The following SH3KBP1 variants were observed in gnomAD, a reference collection of about 807,000 sequenced individuals.
SH3KBP1 encodes the protein SH3 domain-containing kinase-binding protein 1.
SH3KBP1 carries 8 observed loss-of-function variants against 50.1 expected under a neutral mutation model. The observed-to-expected ratio is 0.16, with a 90% CI of 0.09 to 0.29. SH3KBP1 has a LOEUF of 0.29. SH3KBP1 is among the 10% of genes least tolerant of loss of function. The probability of loss-of-function intolerance (pLI) is 1.00; values close to 1 mark genes in which losing one functional copy is unlikely to be tolerated. For missense variants in SH3KBP1, 377 were observed against 535.2 expected (o/e 0.70, Z 2.92); for synonymous variants, 227 against 218.6 (o/e 1.04, Z -0.34).
chrX:19,720,994 T>C (rs1035661452), intron 3 of SH3KBP1, among the ~76,000 whole-genome samples: 6 of 111,380 alleles, frequency 5.4e-5, no homozygotes, highest in African/African-American at 2.0e-4. Context: ...GTCAAAGAAT[T>C]CCACATGTAC....
At chrX:19,590,336 C>T (rs1380535274) in intron 11 of SH3KBP1, among the ~76,000 whole-genome samples, 1 of 111,338 alleles carries the variant, frequency 9.0e-6, no homozygotes, top group African/African-American at 3.3e-5. Flanking sequence ...GGAGTTTGTG[C>T]TGACCCAACA....
At chrX:19,570,382 T>C (rs1242436082) in intron 12 of SH3KBP1, among the ~76,000 whole-genome samples, 1 of 111,767 alleles carries the variant, frequency 8.9e-6, no homozygotes. Context: ...GACTGAGCAA[T>C]GACTCCAGTG....
chrX:19,677,869 G>T (rs746320507), intron 6 of SH3KBP1, among the ~76,000 whole-genome samples: 1 of 112,091 alleles, frequency 8.9e-6, no homozygotes, highest in South Asian at 3.7e-4. Flanking sequence ...CACTCCTGCC[G>T]TTCTCTTCCC....
At chrX:19,886,211 G>A (rs1000034956) in intron 1 of SH3KBP1, among the ~76,000 whole-genome samples, 2 of 111,936 alleles carry the variant, frequency 1.8e-5, no homozygotes, top group African/African-American at 6.5e-5. Flanking sequence ...CAACGGACTG[G>A]GTTAAACCTC....
In SH3KBP1 at chrX:19,554,035, TATA is replaced by T. The variant is rs1161481469; in HGVS notation, c.1385-3955_1385-3953del. Among the ~76,000 whole-genome samples the T allele has an allele frequency of 5.4e-3, 346 of 63,868 alleles. 12 individuals are homozygous for T. The highest frequency in any genetic ancestry group is 7.6e-3 in the Non-Finnish European group (309 of 40,439). 55.5% of individuals were successfully genotyped at this position (63,868 alleles called of 115,157 possible). A position where few individuals can be genotyped will look rare whatever the true frequency, so the allele number is the denominator to read the frequency against. On this transcript the variant is annotated intron_variant, in intron 13 of 17. Transcript: ENST00000397821. Reference sequence around the variant, plus strand: ...ATATAATATATATTAAAATATAATATATAATATATATTAAAATATATTATATAT... The same window carrying T: ...ATATAATATATATTAAAATATAATATATATATATTAAAATATATTATATAT...
chrX:19,613,812 A>G (rs917429989), intron 8 of SH3KBP1, among the ~76,000 whole-genome samples: 1 of 112,318 alleles, frequency 8.9e-6, no homozygotes, highest in African/African-American at 3.2e-5. Context: ...TGGAACTCAG[A>G]GAGAGGTGGA....
intron 2 of SH3KBP1, among the ~76,000 whole-genome samples, chrX:19,778,192 G>T (rs1266322639): frequency 1.8e-5 from 2 of 111,234 alleles, no homozygotes; most frequent in African/African-American, 6.5e-5. Context: ...CAGCACTTTG[G>T]GAGGCCAAGG....
chrX:19,623,406 C>T (rs1260394917), intron 8 of SH3KBP1, among the ~76,000 whole-genome samples: 2 of 112,338 alleles, frequency 1.8e-5, no homozygotes, highest in Non-Finnish European at 3.8e-5. Context: ...TGTATCCCCG[C>T]CAGGCGTGGT....
chrX:19,842,390 GTGGCACGT>G (rs1291159869), intron 1 of SH3KBP1, among the ~76,000 whole-genome samples: 1 of 110,834 alleles, frequency 9.0e-6, no homozygotes, highest in Non-Finnish European at 1.9e-5. Flanking sequence ...GCTGGGTGTG[GTGGCACGT>G]GCCTGTAATC....
intron 1 of SH3KBP1, among the ~76,000 whole-genome samples, chrX:19,880,950 T>C (rs1249489642): frequency 8.9e-6 from 1 of 111,865 alleles, no homozygotes; most frequent in Non-Finnish European, 1.9e-5. Flanking sequence ...AACGCAACCC[T>C]GCTGACACCT....
chrX:19,799,556 G>T, intron 2 of SH3KBP1: 1 of 1,015,570 alleles, frequency 9.8e-7, no homozygotes, highest in Non-Finnish European at 1.4e-6. Flanking sequence ...CTCCCTCCTG[G>T]CCTACAAAGT....
At chrX:19,564,256 A>C (rs939958693) in intron 13 of SH3KBP1, among the ~76,000 whole-genome samples, 1 of 112,091 alleles carries the variant, frequency 8.9e-6, no homozygotes, top group African/African-American at 3.2e-5. Flanking sequence ...GAATGTAATC[A>C]CTTGTTTGTA....
chrX:19,674,847 G>A (rs1392176549), intron 6 of SH3KBP1, among the ~76,000 whole-genome samples: 1 of 111,599 alleles, frequency 9.0e-6, no homozygotes, highest in Non-Finnish European at 1.9e-5. Flanking sequence ...GGAAGGCTGA[G>A]GGAGGTGGAT....
chrX:19,764,049 ATTT>A (rs1202069051), intron 2 of SH3KBP1, among the ~76,000 whole-genome samples: 1 of 104,263 alleles, frequency 9.6e-6, no homozygotes, highest in Non-Finnish European at 2.0e-5. Context: ...CAAAATACCC[ATTT>A]TTTCTAATAA....
intron 1 of SH3KBP1, among the ~76,000 whole-genome samples, chrX:19,838,753 G>A (rs1157754460): frequency 1.8e-5 from 2 of 109,947 alleles, no homozygotes; most frequent in Non-Finnish European, 3.8e-5. Flanking sequence ...TGGGCTTGGT[G>A]GTGGGTGCTT....
chrX:19,844,429 T>TTG (rs2068307547), intron 1 of SH3KBP1, among the ~76,000 whole-genome samples: 1 of 112,293 alleles, frequency 8.9e-6, no homozygotes, highest in Admixed American at 9.4e-5. Context: ...GTTATTTAAC[T>TTG]TGAAGGCTAG....
intron 2 of SH3KBP1, among the ~76,000 whole-genome samples, chrX:19,835,245 C>T (rs1298419570): frequency 1.8e-5 from 2 of 110,822 alleles, no homozygotes; most frequent in Non-Finnish European, 3.8e-5. Context: ...GTGATCTTCC[C>T]ACCACAGCCT....
intron 12 of SH3KBP1, among the ~76,000 whole-genome samples, chrX:19,574,458 T>C (rs758521476): frequency 7.7e-4 from 87 of 113,030 alleles, no homozygotes; most frequent in Non-Finnish European, 1.4e-3. Context: ...GGATGACTTA[T>C]AAACAACAGA....
intron 2 of SH3KBP1, among the ~76,000 whole-genome samples, chrX:19,768,930 GT>G (rs370447360): frequency 5.7e-4 from 59 of 104,031 alleles, no homozygotes; most frequent in African/African-American, 1.1e-3. Flanking sequence ...ACACATTTGG[GT>G]TTTTTTTTTT....
Sources: gnomAD v4.1 joint callset for allele counts (sites outside exome capture counted in the v4.1 genomes callset) on GRCh38, gnomAD v4.1.1 for gene constraint, MANE v1.5 for transcripts, NCBI Gene and HGNC (gene_info 2026-07-23, HGNC 2026-07-21) for gene names.